QTGAL: variants seen among roughly 807,000 people sequenced by gnomAD.
The protein encoded by QTGAL is queuosine-tRNA galactosyltransferase, also known as BGnT-like protein 1.
At chr17:82,952,223 C>T in the QTGAL span, among the ~76,000 whole-genome samples, 13 of 152,136 alleles carry the variant, frequency 8.5e-5, no homozygotes, top group East Asian at 1.5e-3. Context: ...GCTGGCCTCA[C>T]GGCTTCTGCG....
chr17:83,013,834 T>C, the QTGAL span, among the ~76,000 whole-genome samples: 1 of 152,116 alleles, frequency 6.6e-6, no homozygotes, highest in Admixed American at 6.5e-5. Flanking sequence ...TGATTCAAAG[T>C]CTTCTAAAAC....
At chr17:82,972,221 C>T in the QTGAL span, among the ~76,000 whole-genome samples, 6,884 of 40,946 alleles carry the variant, frequency 0.17, 1,169 homozygotes, top group Non-Finnish European at 0.2. Flanking sequence ...GACCTGGTGC[C>T]GACCACACCA....
the QTGAL span, among the ~76,000 whole-genome samples, chr17:82,991,538 C>A: frequency 6.6e-6 from 1 of 152,160 alleles, no homozygotes; most frequent in Non-Finnish European, 1.5e-5. Flanking sequence ...CAGCTTAGAT[C>A]GCAACACTCA....
At chr17:82,998,033 A>AC in the QTGAL span, among the ~76,000 whole-genome samples, 3 of 150,646 alleles carry the variant, frequency 2.0e-5, no homozygotes, top group African/African-American at 7.3e-5. Flanking sequence ...AATGAATAAG[A>AC]CCTAGAATTT....
At chr17:83,035,866 T>C in the QTGAL span, among the ~76,000 whole-genome samples, 1 of 118,908 alleles carries the variant, frequency 8.4e-6, no homozygotes, top group African/African-American at 2.7e-5. Context: ...CGGAGGGCGG[T>C]TTGCACGTGT....
At chr17:83,045,806 C>CATTTATTTATTTATTT in the QTGAL span, among the ~76,000 whole-genome samples, 32 of 152,020 alleles carry the variant, frequency 2.1e-4, no homozygotes, top group African/African-American at 7.7e-4. Context: ...GGAAGATATA[C>CATTTATTTATTTATTT]ATTTATTTAT....
At chr17:82,947,650 G>C in the QTGAL span, 1 of 152,348 alleles carries the variant, frequency 6.6e-6, no homozygotes, top group South Asian at 2.1e-4. Flanking sequence ...CAAGTCTCTG[G>C]CCTCTGGCAG....
At chr17:83,043,426 A>G in the QTGAL span, among the ~76,000 whole-genome samples, 1 of 152,250 alleles carries the variant, frequency 6.6e-6, no homozygotes, top group Non-Finnish European at 1.5e-5. Context: ...AGCAACCAAT[A>G]TGTCAAAGAA....
chr17:82,946,664 T>C, the QTGAL span, among the ~76,000 whole-genome samples: 2 of 151,064 alleles, frequency 1.3e-5, no homozygotes, highest in Non-Finnish European at 3.0e-5. Context: ...TAATGAAAGA[T>C]AAAAGTTAAT....
chr17:83,018,864 A>G, the QTGAL span, among the ~76,000 whole-genome samples: 24 of 152,182 alleles, frequency 1.6e-4, no homozygotes, highest in Non-Finnish European at 2.6e-4. Context: ...ACTGACTCCA[A>G]ATGAGCCTCT....
the QTGAL span, among the ~76,000 whole-genome samples, chr17:82,998,512 A>AT: frequency 6.6e-6 from 1 of 151,988 alleles, no homozygotes; most frequent in African/African-American, 2.4e-5. Flanking sequence ...TGCCTGGCTA[A>AT]TTTTTTGTAT....
At chr17:82,980,923 C>G in the QTGAL span, among the ~76,000 whole-genome samples, 1 of 152,168 alleles carries the variant, frequency 6.6e-6, no homozygotes, top group Non-Finnish European at 1.5e-5. Context: ...GTTCCCCTGG[C>G]AACCAGCCCC....
At chr17:83,019,963 A>C in the QTGAL span, among the ~76,000 whole-genome samples, 23 of 152,182 alleles carry the variant, frequency 1.5e-4, no homozygotes, top group Non-Finnish European at 7.4e-5. Context: ...CAAACTCCTG[A>C]CCTTAGGTGA....
At chr17:83,048,668 C>T in the QTGAL span, 2 of 1,612,514 alleles carry the variant, frequency 1.2e-6, no homozygotes, top group South Asian at 2.2e-5. Context: ...TTCCTACAAA[C>T]CTTACTGGCA....
the QTGAL span, chr17:83,005,263 C>T: frequency 1.5e-6 from 2 of 1,369,404 alleles, no homozygotes; most frequent in African/African-American, 1.4e-5. This position sits in a 1 kb window ranked among gnomAD's most constrained non-coding sequence, Gnocchi z 5.6. Context: ...TACGCAGGTG[C>T]ATGTGCACAC....
At chr17:82,948,255 G>A in the QTGAL span, 7 of 152,134 alleles carry the variant, frequency 4.6e-5, no homozygotes, top group East Asian at 1.9e-4. Flanking sequence ...AACGGCTGGC[G>A]ACCAAGTGCC....
chr17:83,000,783 T>C, the QTGAL span, among the ~76,000 whole-genome samples: 1 of 152,214 alleles, frequency 6.6e-6, no homozygotes, highest in African/African-American at 2.4e-5. Context: ...CAACACACTG[T>C]TCGAGGGTCA....
the QTGAL span, among the ~76,000 whole-genome samples, chr17:83,007,650 C>A: frequency 3.3e-5 from 5 of 152,096 alleles, no homozygotes. Context: ...GCCTCTCGGA[C>A]GGGGGCTGAT....
the QTGAL span, chr17:82,961,293 T>A: frequency 1.4e-6 from 2 of 1,439,670 alleles, no homozygotes; most frequent in Non-Finnish European, 1.9e-6. Flanking sequence ...TGGAAAAGGC[T>A]TTTGTTGCAA....
Sources: gnomAD v4.1 joint callset for allele counts (sites outside exome capture counted in the v4.1 genomes callset) on GRCh38, gnomAD v4.1.1 for gene constraint, Gnocchi (gnomAD v3.1) non-coding constraint, MANE v1.5 for transcripts, NCBI Gene and HGNC (gene_info 2026-07-23, HGNC 2026-07-21) for gene names.